PPP6R3: variants seen among roughly 807,000 people sequenced by gnomAD.
The protein encoded by PPP6R3 is serine/threonine-protein phosphatase 6 regulatory subunit 3.
A neutral mutation model predicts 110.7 loss-of-function variants in PPP6R3; 38 were observed. The ratio of observed to expected loss-of-function variants is 0.34; its 90% confidence interval spans 0.26 to 0.45. The LOEUF is 0.45. Ranked by LOEUF, PPP6R3 falls within the 20% of genes least tolerant of loss-of-function variation. The probability of loss-of-function intolerance (pLI) is 1.00; values close to 1 mark genes in which losing one functional copy is unlikely to be tolerated. For synonymous variants in PPP6R3, 369 were observed against 373.5 expected, an observed-to-expected ratio of 0.99 and a Z score of 0.14; for missense variants, 870 against 1,062.4, an observed-to-expected ratio of 0.82 and a Z score of 2.52.
chr11:68,568,860 G>A lies in PPP6R3; in HGVS notation c.1129-888G>A, dbSNP rs2099490385. Among the ~76,000 whole-genome samples the A allele has an allele frequency of 2.0e-5, 3 of 151,940 alleles. No homozygotes were observed. The South Asian group carries it at 6.2e-4, about 32-fold the overall frequency. ...GCTCACTGCAAGCTCCGCCTCCTGGGTTCACGCCATTCTCCTGCCTCAGCC... is the reference window on the plus strand; with the variant it reads ...GCTCACTGCAAGCTCCGCCTCCTGGATTCACGCCATTCTCCTGCCTCAGCC... On this transcript the variant is annotated intron_variant, in intron 10 of 23. Transcript: ENST00000393800.
chr11:68,561,337 T>G lies in PPP6R3; in HGVS notation c.845+2658T>G, dbSNP rs149553055. Among the ~76,000 whole-genome samples, 624 of 152,320 alleles carry G rather than the reference T, an allele frequency of 4.1e-3. 2 individuals carry two copies. Among genetic ancestry groups the G allele is most frequent in the African/African-American group, 0.014 (598 of 41,560 alleles). On this transcript the variant is annotated intron_variant, in intron 8 of 23. Coordinates refer to ENST00000393800, the MANE Select transcript of PPP6R3 (RefSeq NM_001164161.2). ...CTGGCCTTGAACACCTGGGCTCTAA[T>G]GATCCTTCCGCCTCAGCCTCTTAAG... is the stretch of plus-strand genomic sequence containing the variant.
At chr11:68,594,347 T>TGAGA (rs148881935) in intron 18 of PPP6R3, among the ~76,000 whole-genome samples, 4 of 84,638 alleles carry the variant, frequency 4.7e-5, no homozygotes, top group African/African-American at 1.1e-4. Context: ...AGAGAGAGAG[T>TGAGA]GAGAGAGAGA....
intron 16 of PPP6R3, among the ~76,000 whole-genome samples, chr11:68,590,012 A>C (rs886481622): frequency 6.6e-6 from 1 of 152,208 alleles, no homozygotes; most frequent in South Asian, 2.1e-4. Flanking sequence ...GTGTCTCGAC[A>C]TTCACGTGCC....
chr11:68,593,243 T>C (rs2153882386), intron 18 of PPP6R3, among the ~76,000 whole-genome samples: 1 of 152,304 alleles, frequency 6.6e-6, no homozygotes, highest in African/African-American at 2.4e-5. Context: ...GTTTGCATTT[T>C]CTAGAGTTTT....
chr11:68,556,014 G>A (rs575441897), intron 7 of PPP6R3, among the ~76,000 whole-genome samples: 5 of 152,218 alleles, frequency 3.3e-5, no homozygotes, highest in African/African-American at 1.2e-4. Flanking sequence ...AATCATAATA[G>A]CATCTGTATA....
chr11:68,536,959 T>A (rs1202723556), intron 2 of PPP6R3, among the ~76,000 whole-genome samples: 1 of 152,230 alleles, frequency 6.6e-6, no homozygotes, highest in African/African-American at 2.4e-5. Flanking sequence ...CTGTTTTATA[T>A]TTCCATTTGT....
In PPP6R3 at chr11:68,469,076, A is replaced by AT. The variant is rs577660361; in HGVS notation, c.-158+8255dup. 1.1e-3 allele frequency among the ~76,000 whole-genome samples: 163 copies of AT among 152,262 alleles called. No individual in the cohort carries two copies. The South Asian group carries it at 0.013, about 12-fold the overall frequency. On this transcript the variant is annotated intron_variant, in intron 1 of 23. Coordinates refer to ENST00000393800, the MANE Select transcript of PPP6R3 (RefSeq NM_001164161.2). ...AGACAGCTCTATTGAGGGTTTGCAGATTTTTTCTGTAAAGGACCAGTTAGT... is the reference window on the plus strand; with the variant it reads ...AGACAGCTCTATTGAGGGTTTGCAGATTTTTTTCTGTAAAGGACCAGTTAGT...
intron 19 of PPP6R3, among the ~76,000 whole-genome samples, chr11:68,600,108 C>T (rs942826192): frequency 6.6e-6 from 1 of 151,998 alleles, no homozygotes; most frequent in Non-Finnish European, 1.5e-5. Flanking sequence ...GGCGACAGAG[C>T]GAGACTCCAT....
At chr11:68,461,067 A>T (rs2153198654) in intron 1 of PPP6R3, among the ~76,000 whole-genome samples, 1 of 151,122 alleles carries the variant, frequency 6.6e-6, no homozygotes, top group South Asian at 2.1e-4. Flanking sequence ...GGGCGCCGGG[A>T]GCGGGACGCG....
Position 68,613,684 on chromosome 11 carries a change from T to TTTGA in PPP6R3, c.*571_*574dup, listed in dbSNP as rs1944554610. 4 of 984,238 alleles carry TTTGA rather than the reference T, an allele frequency of 4.1e-6. No individual in the cohort carries two copies. The highest frequency in any genetic ancestry group is 1.7e-5 in the African/African-American group (1 of 57,200). 61.0% of individuals were successfully genotyped at this position (984,238 alleles called of 1,614,324 possible). A position where few individuals can be genotyped will look rare whatever the true frequency, so the allele number is the denominator to read the frequency against. On this transcript the variant is annotated 3_prime_UTR_variant, in exon 24 of 24. Transcript: ENST00000393800. ...TTTGGTGTTCTTTTTATAACCAGTT[T>TTTGA]TTGATTGGTAATTGTTTTCTGTATT...
At chr11:68,542,389 G>GTTTTGT (rs1555132285) in intron 3 of PPP6R3, among the ~76,000 whole-genome samples, 1 of 40,188 alleles carries the variant, frequency 2.5e-5, no homozygotes, top group African/African-American at 1.0e-4. Context: ...AGAAGCTGCT[G>GTTTTGT]TTTTTTTTTT....
At chr11:68,515,325 G>T (rs531152337) in intron 1 of PPP6R3, among the ~76,000 whole-genome samples, 1 of 152,424 alleles carries the variant, frequency 6.6e-6, no homozygotes, top group East Asian at 1.9e-4. Context: ...CCTGTCGGGG[G>T]CTTGGTAACT....
Position 68,613,603 on chromosome 11 carries a change from CTCT to C in PPP6R3, c.*487_*489del. The C allele has an allele frequency of 1.0e-6, 1 of 985,870 alleles. No individual in the cohort carries two copies. The highest frequency in any genetic ancestry group is 1.2e-6 in the Non-Finnish European group (1 of 830,030). 61.1% of individuals were successfully genotyped at this position (985,870 alleles called of 1,614,324 possible). On this transcript the variant is annotated 3_prime_UTR_variant, in exon 24 of 24. Transcript: ENST00000393800. The stretch of plus-strand genomic sequence containing the variant: ...CAAGGAGTTGTAGAATGAAAATGCC[CTCT>C]AAGTGTTATTTTGGTTGTTCTAACT...
At chr11:68,519,098 G>T (rs2099151228) in intron 1 of PPP6R3, among the ~76,000 whole-genome samples, 1 of 152,202 alleles carries the variant, frequency 6.6e-6, no homozygotes, top group African/African-American at 2.4e-5. Flanking sequence ...TGGACTGCCA[G>T]GGGGCATTTA....
At chr11:68,490,359 T>C (rs895240508) in intron 1 of PPP6R3, among the ~76,000 whole-genome samples, 4 of 152,280 alleles carry the variant, frequency 2.6e-5, no homozygotes, top group Non-Finnish European at 5.9e-5. Context: ...TTTAAGATTT[T>C]TTTTTGTTTT....
At chr11:68,576,754 G>A (rs887761185) in intron 14 of PPP6R3, among the ~76,000 whole-genome samples, 1 of 152,174 alleles carries the variant, frequency 6.6e-6, no homozygotes, top group Non-Finnish European at 1.5e-5. Context: ...CACGTGACTC[G>A]ACATTGAAGT....
At chr11:68,576,735 C>T (rs1417318310) in intron 14 of PPP6R3, among the ~76,000 whole-genome samples, 2 of 152,216 alleles carry the variant, frequency 1.3e-5, no homozygotes, top group African/African-American at 4.8e-5. Flanking sequence ...TTTGCTTAGA[C>T]AGAAGCAGCA....
At chr11:68,481,944 T>C (rs1208347626) in intron 1 of PPP6R3, among the ~76,000 whole-genome samples, 1 of 152,128 alleles carries the variant, frequency 6.6e-6, no homozygotes, top group Non-Finnish European at 1.5e-5. Context: ...AGTCTGGCCA[T>C]AGCGGTTAGG....
chr11:68,551,075 C>G, intron 5 of PPP6R3, 46 bp from the exon 6 acceptor site: 1 of 1,327,728 alleles, frequency 7.5e-7, no homozygotes, highest in Non-Finnish European at 1.1e-6. Flanking sequence ...GGGGCTTGAA[C>G]AAGAGCCACT....
Sources: allele counts gnomAD v4.1 joint callset (sites outside exome capture counted in the v4.1 genomes callset), GRCh38; gene constraint gnomAD v4.1.1; transcripts MANE v1.5; gene names NCBI Gene and HGNC (gene_info 2026-07-23, HGNC 2026-07-21).